The following BTRC variants were observed in gnomAD, a reference collection of about 807,000 sequenced individuals.
The protein encoded by BTRC is F-box/WD repeat-containing protein 1A.
In BTRC, 42 loss-of-function variants were observed where a neutral mutation model predicts 85.5. The observed-to-expected ratio is 0.49, with a 90% CI of 0.38 to 0.64. The LOEUF is 0.64. BTRC is among the 30% of genes least tolerant of loss of function. The pLI is 0.00. For synonymous variants in BTRC, 255 were observed against 263.3 expected (o/e 0.97, Z 0.30); for missense variants, 594 against 743.5 (o/e 0.80, Z 2.34).
rs897934473 is a variant in BTRC at position 101,488,046 on chromosome 10, T to G, written c.324+8589T>G. On this transcript the variant is annotated intron_variant, in intron 4 of 14. Transcript: ENST00000370187. Reference sequence around the variant, plus strand: ...TGATTTTGATTACCAGCATACTTTCTTTGGCATTGTACTCTGGGTTTTAAG... The same window carrying G: ...TGATTTTGATTACCAGCATACTTTCGTTGGCATTGTACTCTGGGTTTTAAG... Among the ~76,000 whole-genome samples the G allele has an allele frequency of 2.0e-5, 3 of 152,168 alleles. No individual in the cohort carries two copies. In the South Asian group the frequency reaches 6.2e-4, roughly 32 times the overall value.
intron 1 of BTRC, among the ~76,000 whole-genome samples, chr10:101,394,596 A>G (rs1371708516): frequency 6.6e-6 from 1 of 152,226 alleles, no homozygotes; most frequent in African/African-American, 2.4e-5. Context: ...AATGAGTAAA[A>G]CAAAAGCAAA....
chr10:101,523,279 G>C (rs936007402), intron 5 of BTRC, among the ~76,000 whole-genome samples: 17 of 152,126 alleles, frequency 1.1e-4, no homozygotes, highest in African/African-American at 4.1e-4. Flanking sequence ...GAAGTTTTTA[G>C]AAAGAAGGAT....
At chr10:101,514,654 T>C (rs1259509145) in intron 4 of BTRC, among the ~76,000 whole-genome samples, 2 of 152,218 alleles carry the variant, frequency 1.3e-5, no homozygotes, top group African/African-American at 4.8e-5. Flanking sequence ...GGTTTCACCA[T>C]GTTGGCCAGG....
At chr10:101,462,230 T>C (rs1285519152) in intron 3 of BTRC, among the ~76,000 whole-genome samples, 172 bp downstream of exon 3, 1 of 152,250 alleles carries the variant, frequency 6.6e-6, no homozygotes, top group African/African-American at 2.4e-5. Context: ...TTCCCAGTTA[T>C]TTAAAAAACA....
Position 101,444,257 on chromosome 10 carries a change from A to G in BTRC, c.156+13805A>G, listed in dbSNP as rs541030657. On this transcript the variant is annotated intron_variant, in intron 2 of 14. Coordinates refer to ENST00000370187, the MANE Select transcript of BTRC (RefSeq NM_033637.4). ...ACATGTAGCTTAAAAAGAGATGATAATATTTGTTACAATGCCTCCTACTGG... is the reference window on the plus strand; with the variant it reads ...ACATGTAGCTTAAAAAGAGATGATAGTATTTGTTACAATGCCTCCTACTGG... Among the ~76,000 whole-genome samples the G allele has an allele frequency of 1.5e-3, 228 of 152,320 alleles. 1 individual carries two copies. Among genetic ancestry groups the G allele is most frequent in the Non-Finnish European group, 2.4e-3 (165 of 68,020 alleles).
At chr10:101,374,678 T>C (rs1183089945) in intron 1 of BTRC, among the ~76,000 whole-genome samples, 14 of 148,384 alleles carry the variant, frequency 9.4e-5, no homozygotes, top group Admixed American at 9.4e-4. Context: ...ATATACCTAA[T>C]GCTAGATGAC....
At chr10:101,523,259 G>A (rs924648573) in intron 5 of BTRC, among the ~76,000 whole-genome samples, 3 of 151,998 alleles carry the variant, frequency 2.0e-5, no homozygotes, top group East Asian at 1.9e-4. Context: ...ACTAAGAAAC[G>A]TTTTTAGTTG....
chr10:101,416,934 T>C (rs1435371642), intron 1 of BTRC, among the ~76,000 whole-genome samples: 2 of 152,202 alleles, frequency 1.3e-5, no homozygotes, highest in Non-Finnish European at 2.9e-5. Context: ...CAGTATGTAT[T>C]TTTATTAATT....
chr10:101,379,412 A>T (rs987224517), intron 1 of BTRC, among the ~76,000 whole-genome samples: 1 of 152,192 alleles, frequency 6.6e-6, no homozygotes, highest in African/African-American at 2.4e-5. Context: ...TTCGTGTTAA[A>T]AAGAATTAGA....
chr10:101,477,753 G>A (rs1003281443), intron 3 of BTRC, among the ~76,000 whole-genome samples: 18 of 152,056 alleles, frequency 1.2e-4, no homozygotes, highest in Non-Finnish European at 1.8e-4. Context: ...GGGCTCAAGC[G>A]ATTCTCGTCC....
chr10:101,422,685 A>G (rs1306505684), intron 1 of BTRC, among the ~76,000 whole-genome samples: 1 of 152,176 alleles, frequency 6.6e-6, no homozygotes, highest in Admixed American at 6.5e-5. Flanking sequence ...CTTTCTATAT[A>G]TGGCTAGCCA....
chr10:101,490,139 G>A (rs1281050537), intron 4 of BTRC, among the ~76,000 whole-genome samples: 2 of 151,052 alleles, frequency 1.3e-5, no homozygotes, highest in East Asian at 1.9e-4. Flanking sequence ...TATAAAGATC[G>A]AAAAAGTCCA....
intron 2 of BTRC, among the ~76,000 whole-genome samples, chr10:101,444,570 A>G (rs1944773590): frequency 6.6e-6 from 1 of 152,180 alleles, no homozygotes; most frequent in African/African-American, 2.4e-5. Context: ...TTAAACACTG[A>G]CAGCTACCCT....
chr10:101,507,837 CT>C (rs889355846), intron 4 of BTRC, among the ~76,000 whole-genome samples: 9 of 151,328 alleles, frequency 5.9e-5, no homozygotes, highest in Non-Finnish European at 1.2e-4. Context: ...ACATTATGTC[CT>C]TTTTTTTTCC....
At chr10:101,467,896 T>C (rs1457892399) in intron 3 of BTRC, among the ~76,000 whole-genome samples, 1 of 152,196 alleles carries the variant, frequency 6.6e-6, no homozygotes, top group Non-Finnish European at 1.5e-5. Flanking sequence ...TTATTTTAAA[T>C]AGTCCATGTA....
chr10:101,451,879 G>A (rs915773017), intron 2 of BTRC, among the ~76,000 whole-genome samples: 27 of 152,156 alleles, frequency 1.8e-4, no homozygotes, highest in Non-Finnish European at 8.8e-5. Context: ...CAGCTGTTGA[G>A]CAGCAGACAC....
At chr10:101,537,138 A>G (rs745673840) in intron 12 of BTRC, among the ~76,000 whole-genome samples, 1 of 152,188 alleles carries the variant, frequency 6.6e-6, no homozygotes, top group Non-Finnish European at 1.5e-5. Flanking sequence ...TTATGAGTTT[A>G]GTCATCTTTA....
chr10:101,370,856 A>C (rs543258584), intron 1 of BTRC, among the ~76,000 whole-genome samples: 6 of 152,190 alleles, frequency 3.9e-5, no homozygotes, highest in Admixed American at 2.0e-4. Context: ...CTGGGGTTAC[A>C]GGTGTGCACC....
rs145272049 is a variant in BTRC, at chr10:101,526,967, G to A, written c.743+768G>A. ...TAATTTTTTTGTTGTTCTCTTAACA[G>A]TACTATTTCATTAGAACTTCTGAAA... On this transcript the variant is annotated intron_variant, in intron 6 of 14. Coordinates refer to ENST00000370187, the MANE Select transcript of BTRC (RefSeq NM_033637.4). Among the ~76,000 whole-genome samples the A allele has an allele frequency of 6.2e-3, 946 of 152,282 alleles. 3 individuals are homozygous for A. Among genetic ancestry groups the A allele is most frequent in the Admixed American group, 8.0e-3 (123 of 15,298 alleles).
Sources: gnomAD v4.1 joint callset for allele counts (sites outside exome capture counted in the v4.1 genomes callset) on GRCh38, gnomAD v4.1.1 for gene constraint, MANE v1.5 for transcripts, NCBI Gene and HGNC (gene_info 2026-07-23, HGNC 2026-07-21) for gene names.